Variants in THTPA observed in about 807,000 individuals in gnomAD.
The protein encoded by THTPA is thiamine-triphosphatase.
A neutral mutation model predicts 16.5 loss-of-function variants in THTPA; 16 were observed. That is an observed-to-expected ratio of 0.97 (90% CI 0.66 to 1.47). The LOEUF (loss-of-function observed/expected upper bound fraction) is 1.47. Among genes scored for constraint, THTPA ranks in the 40% most tolerant of loss-of-function variants. The pLI is 0.00. For missense variants in THTPA, 281 were observed against 280.9 expected (o/e 1.00, Z 0.00); for synonymous variants, 110 against 115.5 (o/e 0.95, Z 0.30).
At chr14:23,515,722 C>T in the THTPA span, among the ~76,000 whole-genome samples, 1 of 152,120 alleles carries the variant, frequency 6.6e-6, no homozygotes, top group East Asian at 1.9e-4. Flanking sequence ...TAGGACCTGC[C>T]CAGAGGTAGG....
the THTPA span, chr14:23,526,362 T>C: frequency 6.5e-7 from 1 of 1,536,326 alleles, no homozygotes; most frequent in Non-Finnish European, 8.7e-7. Context: ...TTACACACAG[T>C]GCACTTATAG....
the THTPA span, chr14:23,531,673 A>G: frequency 2.0e-6 from 3 of 1,465,334 alleles, no homozygotes; most frequent in Admixed American, 6.6e-5. Context: ...AGGCAGTGGT[A>G]TAGCCCCAGC....
chr14:23,531,378 C>A, the THTPA span: 1 of 1,327,458 alleles, frequency 7.5e-7, no homozygotes, highest in Non-Finnish European at 9.7e-7. Context: ...GGCCTACAGG[C>A]CCTCTTCGCC....
the THTPA span, chr14:23,527,473 AAC>A: frequency 2.5e-6 from 3 of 1,215,850 alleles, no homozygotes; most frequent in Admixed American, 2.1e-5. Context: ...TCACCCAGCC[AAC>A]ACACGCACTT....
chr14:23,521,570 A>C, the THTPA span: 4 of 183,876 alleles, frequency 2.2e-5, no homozygotes, highest in Non-Finnish European at 4.5e-5. Context: ...GTGTGTGTGC[A>C]TGTATGTGTA....
the THTPA span, chr14:23,522,031 C>T: frequency 2.0e-6 from 3 of 1,536,424 alleles, no homozygotes; most frequent in East Asian, 4.9e-5. Flanking sequence ...ATCTTGCTTC[C>T]TCTTTGGCAA....
chr14:23,529,453 A>ATCT, the THTPA span: 1 of 491,216 alleles, frequency 2.0e-6, no homozygotes, highest in East Asian at 3.7e-5. Flanking sequence ...TCTCAGCACA[A>ATCT]TTCCTTTATT....
the THTPA span, chr14:23,522,243 A>G: frequency 2.0e-6 from 3 of 1,479,090 alleles, no homozygotes; most frequent in Non-Finnish European, 2.7e-6. Context: ...GAGCCCCCAG[A>G]GCCCCGCCCA....
At chr14:23,530,253 A>T in the THTPA span, 5 of 1,308,780 alleles carry the variant, frequency 3.8e-6, no homozygotes, top group Non-Finnish European at 5.3e-6. Flanking sequence ...AAGGGAGGAC[A>T]TAGGACAGAG....
At chr14:23,533,773 G>T in the THTPA span, 12 of 1,558,384 alleles carry the variant, frequency 7.7e-6, no homozygotes, top group East Asian at 2.4e-4. This position sits in a 1 kb window ranked among gnomAD's most constrained non-coding sequence, Gnocchi z 4.8. Context: ...GCCTTTGGTG[G>T]TTGTAGAGTA....
At chr14:23,541,445 G>A in the THTPA span, among the ~76,000 whole-genome samples, 2 of 151,938 alleles carry the variant, frequency 1.3e-5, no homozygotes, top group African/African-American at 2.4e-5. Context: ...GCTCCACCAC[G>A]CCCAGCTAAT....
chr14:23,548,944 T>C, the THTPA span, among the ~76,000 whole-genome samples: 1 of 152,162 alleles, frequency 6.6e-6, no homozygotes, highest in Admixed American at 6.5e-5. Flanking sequence ...TCCTCTCCTC[T>C]TTTCCTCCTA....
chr14:23,526,191 T>G, the THTPA span: 2 of 1,536,552 alleles, frequency 1.3e-6, no homozygotes, highest in Non-Finnish European at 1.7e-6. Context: ...CTGCAGACTG[T>G]GCACTTAAAG....
chr14:23,531,620 T>C, the THTPA span: 1 of 1,523,370 alleles, frequency 6.6e-7, no homozygotes, highest in South Asian at 1.2e-5. Context: ...TGCGCAGGTG[T>C]TGCAGCACAG....
In THTPA at chr14:23,556,739, T is replaced by G; in HGVS notation, c.-19T>G. 1 of 1,606,052 alleles carries G rather than the reference T, an allele frequency of 6.2e-7. No individual in the cohort carries two copies. Among genetic ancestry groups the G allele is most frequent in the African/African-American group, 1.3e-5 (1 of 74,894 alleles). ...CCTTGGGAACTCAGCAAACGTTTGT[T>G]CAGCCAATTGCAGGTAGCATGGCCC... On this transcript the variant is annotated 5_prime_UTR_variant, in exon 1 of 2. Transcript: ENST00000288014.
the THTPA span, among the ~76,000 whole-genome samples, chr14:23,520,282 G>T: frequency 6.6e-6 from 1 of 152,130 alleles, no homozygotes; most frequent in South Asian, 2.1e-4. The surrounding 1 kb of genome is among the most constrained non-coding windows in gnomAD (Gnocchi z 8.7). Context: ...GCTGCTTAAC[G>T]GAGAAGCTGG....
the THTPA span, among the ~76,000 whole-genome samples, chr14:23,546,447 G>T: frequency 6.6e-6 from 1 of 152,120 alleles, no homozygotes; most frequent in Non-Finnish European, 1.5e-5. The surrounding 1 kb of genome is among the most constrained non-coding windows in gnomAD (Gnocchi z 4.7). Context: ...GGTACAGCTT[G>T]GTGACAGGAC....
the THTPA span, chr14:23,524,925 T>C: frequency 3.3e-6 from 5 of 1,536,150 alleles, no homozygotes; most frequent in Non-Finnish European, 4.4e-6. The surrounding 1 kb of genome is among the most constrained non-coding windows in gnomAD (Gnocchi z 5.6). Flanking sequence ...TGGCAACGCC[T>C]GCAGCCGGAG....
chr14:23,526,746 T>C, the THTPA span: 3 of 1,533,372 alleles, frequency 2.0e-6, no homozygotes, highest in Non-Finnish European at 2.6e-6. Context: ...ACCCACTCAA[T>C]ACCAAGGCAG....
Sources: gnomAD v4.1 joint callset for allele counts (sites outside exome capture counted in the v4.1 genomes callset) on GRCh38, gnomAD v4.1.1 for gene constraint, Gnocchi (gnomAD v3.1) non-coding constraint, MANE v1.5 for transcripts, NCBI Gene and HGNC (gene_info 2026-07-23, HGNC 2026-07-21) for gene names.